The following GAD2 variants were observed in gnomAD, a reference collection of about 807,000 sequenced individuals.
GAD2 encodes 65 kDa glutamic acid decarboxylase.
Under a neutral mutation model 80.1 loss-of-function variants are expected in GAD2, and 22 were observed. The ratio of observed to expected loss-of-function variants is 0.27; its 90% CI spans 0.20 to 0.39. GAD2 has a LOEUF of 0.39. Ranked by LOEUF, GAD2 falls within the 10% of genes least tolerant of loss-of-function variation. GAD2 has a pLI of 1.00. For synonymous variants in GAD2, 274 were observed against 256.9 expected, an observed-to-expected ratio of 1.07 and a Z score of -0.64; for missense variants, 624 against 738.4, an observed-to-expected ratio of 0.85 and a Z score of 1.80.
rs780650856 is a variant in GAD2, at chr10:26,219,028, A to T, written c.287-15A>T. On this transcript the variant is annotated splice_polypyrimidine_tract_variant and intron_variant, in intron 3 of 15. Coordinates refer to ENST00000376261, the MANE Select transcript of GAD2 (RefSeq NM_001134366.2). Reference sequence around the variant, plus strand: ...AAGTAAAATTAAAATGTGGCATTTTAATTTCATTCTTTAGACCTGCTGCCG... The same window carrying T: ...AAGTAAAATTAAAATGTGGCATTTTTATTTCATTCTTTAGACCTGCTGCCG... 6.6e-7 allele frequency: 1 copy of T among 1,524,618 alleles called. No homozygotes were observed. Among genetic ancestry groups the T allele is most frequent in the Non-Finnish European group, 8.8e-7 (1 of 1,134,966 alleles). 94.4% of individuals were successfully genotyped at this position (1,524,618 alleles called of 1,614,324 possible). A position where few individuals can be genotyped will look rare whatever the true frequency, so the allele number is the denominator to read the frequency against.
At position 26,303,006 on chromosome 10, in the gene GAD2, A is replaced by C. The variant is rs2132327586; in HGVS notation, c.*2045A>C. On this transcript the variant is annotated 3_prime_UTR_variant, in exon 16 of 16. Transcript: ENST00000376261. ...CCCGACTATCCGGAGCCTCAGGCCC[A>C]AAGGTTCCACTTCAGAGACAGAGAT... 6.6e-6 allele frequency: 1 copy of C among 152,344 alleles called. No homozygotes were observed. Among genetic ancestry groups the C allele is most frequent in the South Asian group, 2.1e-4 (1 of 4,818 alleles). 9.4% of individuals were successfully genotyped at this position (152,344 alleles called of 1,614,324 possible). A position where few individuals can be genotyped will look rare whatever the true frequency, so the allele number is the denominator to read the frequency against.
At position 26,217,461 on chromosome 10, in the gene GAD2, G is replaced by C; in HGVS notation, c.77-149G>C. 2.6e-6 allele frequency: 2 copies of C among 763,000 alleles called. No homozygotes were observed. The highest frequency in any genetic ancestry group is 2.7e-5 in the East Asian group (1 of 36,922). The allele number at this position is 763,000 out of a possible 1,614,324, so 47.3% of individuals were successfully genotyped here. Reference sequence around the variant, plus strand: ...CTCCCGCTTGCCTTCTGCACCTGCCGGCCTCACCGAGTCCTGAGCGGCCCC... The same window carrying C: ...CTCCCGCTTGCCTTCTGCACCTGCCCGCCTCACCGAGTCCTGAGCGGCCCC... On this transcript the variant is annotated intron_variant, in intron 1 of 15. Transcript: ENST00000376261. The surrounding 1 kb of genome is among the most constrained non-coding windows in gnomAD (Gnocchi z 4.9).
chr10:26,231,076 C>T (rs1844595345), intron 7 of GAD2, among the ~76,000 whole-genome samples: 1 of 152,102 alleles, frequency 6.6e-6, no homozygotes, highest in South Asian at 2.1e-4. Context: ...GGCAACAGAG[C>T]CACACTCCAT....
intron 11 of GAD2, among the ~76,000 whole-genome samples, chr10:26,274,555 C>T (rs912232245): frequency 3.3e-5 from 5 of 152,200 alleles, no homozygotes; most frequent in East Asian, 1.9e-4. Context: ...CCTGCCAAGT[C>T]GCCAGATGCT....
intron 10 of GAD2, among the ~76,000 whole-genome samples, chr10:26,272,569 T>C (rs1845148898): frequency 6.6e-6 from 1 of 152,066 alleles, no homozygotes; most frequent in Non-Finnish European, 1.5e-5. Flanking sequence ...TTTTTCAAAG[T>C]GCAAAAGAAC....
At chr10:26,267,165 G>T (rs1316260123) in intron 8 of GAD2, among the ~76,000 whole-genome samples, 1 of 152,156 alleles carries the variant, frequency 6.6e-6, no homozygotes, top group East Asian at 1.9e-4. Context: ...CCCAGGCAAA[G>T]GTGTTTAGCT....
At chr10:26,240,886 CA>C (rs1844733939) in intron 7 of GAD2, among the ~76,000 whole-genome samples, 1 of 151,634 alleles carries the variant, frequency 6.6e-6, no homozygotes, top group African/African-American at 2.4e-5. Context: ...AATACAAAAA[CA>C]AAAAATTAGT....
chr10:26,268,223 C>T (rs1845094110), intron 8 of GAD2, among the ~76,000 whole-genome samples: 1 of 152,236 alleles, frequency 6.6e-6, no homozygotes, highest in Admixed American at 6.5e-5. Context: ...AATCCCAGCA[C>T]TTTGGGAGGC....
At chr10:26,292,416 C>CG (rs1170489947) in intron 13 of GAD2, 49 bp from the exon 14 acceptor site, 2 of 1,398,640 alleles carry the variant, frequency 1.4e-6, no homozygotes, top group Non-Finnish European at 2.0e-6. Flanking sequence ...GAAATCGCTT[C>CG]CTCCGCACTC....
chr10:26,250,717 T>TTTA (rs977894265), intron 8 of GAD2, among the ~76,000 whole-genome samples: 30 of 152,164 alleles, frequency 2.0e-4, no homozygotes, highest in Non-Finnish European at 3.5e-4. Context: ...AATGACCATA[T>TTTA]TTACCATTTA....
chr10:26,247,410 T>C (rs1302001327), intron 8 of GAD2, among the ~76,000 whole-genome samples: 1 of 152,112 alleles, frequency 6.6e-6, no homozygotes, highest in African/African-American at 2.4e-5. Context: ...CGTCTGGGAA[T>C]GCAGTCCAAT....
intron 4 of GAD2, among the ~76,000 whole-genome samples, chr10:26,221,606 G>C (rs890966851): frequency 4.6e-5 from 7 of 152,210 alleles, no homozygotes; most frequent in Non-Finnish European, 1.0e-4. Context: ...AGGACATAAA[G>C]AGCAGTTTGG....
At position 26,286,335 on chromosome 10, in the gene GAD2, T is replaced by C; in HGVS notation, c.1237-10T>C. 1.3e-6 allele frequency: 2 copies of C among 1,599,002 alleles called. No homozygotes were observed. The highest frequency in any genetic ancestry group is 1.7e-6 in the Non-Finnish European group (2 of 1,176,088). On this transcript the variant is annotated splice_polypyrimidine_tract_variant and intron_variant, in intron 12 of 15. Coordinates refer to ENST00000376261, the MANE Select transcript of GAD2 (RefSeq NM_001134366.2). Reference sequence around the variant, plus strand: ...GTAGAATTTCCTAAATTTTCTCTTCTCTCTTGTAGGGATTGATGCAGAATT... The same window carrying C: ...GTAGAATTTCCTAAATTTTCTCTTCCCTCTTGTAGGGATTGATGCAGAATT...
At chr10:26,280,868 T>G in intron 11 of GAD2, 141 bp from the exon 12 acceptor site, 2 of 526,060 alleles carry the variant, frequency 3.8e-6, no homozygotes, top group Non-Finnish European at 6.7e-6. Flanking sequence ...ATCTATTTAA[T>G]TTTTAAAATT....
At chr10:26,237,738 T>TG (rs1844692616) in intron 7 of GAD2, among the ~76,000 whole-genome samples, 1 of 152,170 alleles carries the variant, frequency 6.6e-6, no homozygotes, top group Non-Finnish European at 1.5e-5. Flanking sequence ...CCGGGTGCAG[T>TG]GGTTCATGCC....
In GAD2 at chr10:26,300,858, A is replaced by T. The variant is rs201538283; in HGVS notation, c.1655A>T (p.Asp552Val). 1.9e-6 allele frequency: 3 copies of T among 1,613,956 alleles called. No individual in the cohort carries two copies. Among genetic ancestry groups the T allele is most frequent in the East Asian group, 2.2e-5 (1 of 44,874 alleles). The change falls in exon 16 of 16, where the codon GAC becomes GTC. Residue 552 changes from aspartate (D) to valine (V), a missense_variant. Transcript: ENST00000376261. ...TTMVSYQPLG[D>V]KVNFFRMVIS... ...ATGGTCAGCTACCAACCCTTGGGAG[A>T]CAAGGTCAATTTCTTCCGCATGGTC...
intron 6 of GAD2, among the ~76,000 whole-genome samples, chr10:26,229,301 CTCCA>C (rs761297375): frequency 4.0e-5 from 6 of 151,526 alleles, no homozygotes; most frequent in Non-Finnish European, 8.8e-5. Flanking sequence ...AAAAAGCTTT[CTCCA>C]TCCAGATATA....
intron 7 of GAD2, among the ~76,000 whole-genome samples, chr10:26,242,030 G>C (rs1844749156): frequency 6.6e-6 from 1 of 152,118 alleles, no homozygotes; most frequent in African/African-American, 2.4e-5. Context: ...GCCCAGGCTG[G>C]AGTGCAGTGG....
In GAD2 at chr10:26,217,688, G is replaced by C. The variant is rs772212556; in HGVS notation, c.136+19G>C. 3.7e-6 allele frequency: 6 copies of C among 1,612,120 alleles called. No homozygotes were observed. The African/African-American group carries it at 4.0e-5, about 11-fold the overall frequency. ...CTGTGCGGTGAGTGCCCAGGGACCG[G>C]GGCGGCCAAGGTCGGCCCGCGGGGT... On this transcript the variant is annotated intron_variant, in intron 2 of 15. Coordinates refer to ENST00000376261, the MANE Select transcript of GAD2 (RefSeq NM_001134366.2). The surrounding 1 kb of genome is among the most constrained non-coding windows in gnomAD (Gnocchi z 4.9).
Sources: gnomAD v4.1 joint callset for allele counts (sites outside exome capture counted in the v4.1 genomes callset) on GRCh38, gnomAD v4.1.1 for gene constraint, Gnocchi (gnomAD v3.1) non-coding constraint, MANE v1.5 for transcripts, NCBI Gene and HGNC (gene_info 2026-07-23, HGNC 2026-07-21) for gene names.